CHST8: variants seen among roughly 807,000 people sequenced by gnomAD.
The protein encoded by CHST8 is GALNAC-4-ST1.
CHST8 carries 10 observed loss-of-function variants against 15.0 expected under a neutral mutation model. The ratio of observed to expected loss-of-function variants is 0.67; its 90% CI spans 0.41 to 1.13. CHST8 has a LOEUF of 1.13. Among genes scored for constraint, CHST8 ranks in the 50% most tolerant of loss-of-function variants. The probability of loss-of-function intolerance (pLI) is 0.00; values close to 1 mark genes in which losing one functional copy is unlikely to be tolerated. For synonymous variants in CHST8, 259 were observed against 256.6 expected, an observed-to-expected ratio of 1.01 and a Z score of -0.09; for missense variants, 634 against 608.2, an observed-to-expected ratio of 1.04 and a Z score of -0.45.
At chr19:33,670,077 A>G (rs992182136) in intron 2 of CHST8, among the ~76,000 whole-genome samples, 4 of 152,202 alleles carry the variant, frequency 2.6e-5, no homozygotes, top group African/African-American at 9.7e-5. Flanking sequence ...TGCAGAATAT[A>G]CTCCATCATT....
intron 3 of CHST8, among the ~76,000 whole-genome samples, chr19:33,697,335 T>C (rs905236311): frequency 6.6e-6 from 1 of 152,146 alleles, no homozygotes; most frequent in African/African-American, 2.4e-5. Context: ...GCTCCAGTGA[T>C]CCTCCCATCT....
chr19:33,722,099 G>T (rs1973809825), intron 3 of CHST8, among the ~76,000 whole-genome samples: 1 of 150,464 alleles, frequency 6.6e-6, no homozygotes, highest in African/African-American at 2.5e-5. Flanking sequence ...ATGGATGGAT[G>T]GATGGATGGA....
At chr19:33,671,895 T>C (rs549199910) in intron 2 of CHST8, among the ~76,000 whole-genome samples, 1 of 152,028 alleles carries the variant, frequency 6.6e-6, no homozygotes, top group Admixed American at 6.6e-5. Flanking sequence ...ATTTACCACA[T>C]GTGTGATTTA....
At chr19:33,720,992 C>G (rs919577736) in intron 3 of CHST8, among the ~76,000 whole-genome samples, 1 of 152,226 alleles carries the variant, frequency 6.6e-6, no homozygotes, top group African/African-American at 2.4e-5. Flanking sequence ...ACCAGAGTTG[C>G]CCTGTCTGTC....
At chr19:33,668,709 A>G (rs768319064) in intron 2 of CHST8, among the ~76,000 whole-genome samples, 5 of 152,124 alleles carry the variant, frequency 3.3e-5, no homozygotes, top group Admixed American at 6.5e-5. Context: ...TTTATAATCA[A>G]ATGATAGAAA....
At chr19:33,765,070 A>ATATATATG (rs71181381) in intron 3 of CHST8, among the ~76,000 whole-genome samples, 9 of 113,142 alleles carry the variant, frequency 8.0e-5, no homozygotes, top group African/African-American at 3.8e-4. Flanking sequence ...ATATATATAT[A>ATATATATG]TATCAGAGTT....
chr19:33,632,407 G>A (rs981927166), intron 1 of CHST8, among the ~76,000 whole-genome samples: 2 of 151,776 alleles, frequency 1.3e-5, no homozygotes, highest in Non-Finnish European at 2.9e-5. Context: ...CACCTGCCTC[G>A]GCCTCCCAAA....
chr19:33,644,809 G>A (rs1018518501), intron 1 of CHST8, among the ~76,000 whole-genome samples: 3 of 152,198 alleles, frequency 2.0e-5, no homozygotes, highest in Admixed American at 6.5e-5. Flanking sequence ...AGCCAAGTAG[G>A]CTAAGAGGGA....
chr19:33,694,169 CATAT>C (rs397842550), intron 3 of CHST8, among the ~76,000 whole-genome samples: 450 of 39,906 alleles, frequency 0.011, 5 homozygotes, highest in African/African-American at 0.014. Flanking sequence ...GTAGTTTATT[CATAT>C]ATATATATAT....
rs142299595 is a variant in CHST8, at chr19:33,689,533, T to C, written c.130+142T>C. The C allele has an allele frequency of 8.9e-4, 895 of 1,001,376 alleles. 12 individuals are homozygous for C. In the East Asian group the frequency reaches 0.021, roughly 24 times the overall value. 62.0% of individuals were successfully genotyped at this position (1,001,376 alleles called of 1,614,324 possible). A position where few individuals can be genotyped will look rare whatever the true frequency, so the allele number is the denominator to read the frequency against. ...GACCCCCGGCAGGCAGAGTCCTGGC[T>C]TCCCGGGGAAGGCGTTAGTCTCAAT... On this transcript the variant is annotated intron_variant, in intron 3 of 4. Coordinates refer to ENST00000650847, the MANE Select transcript of CHST8 (RefSeq NM_001127895.2).
At chr19:33,659,459 C>T (rs1204450001) in intron 1 of CHST8, among the ~76,000 whole-genome samples, 1 of 152,080 alleles carries the variant, frequency 6.6e-6, no homozygotes, top group Non-Finnish European at 1.5e-5. Flanking sequence ...GTTTGCTGAG[C>T]ACAAAAATGT....
chr19:33,653,793 T>C (rs1972477033), intron 1 of CHST8, among the ~76,000 whole-genome samples: 1 of 152,184 alleles, frequency 6.6e-6, no homozygotes, highest in South Asian at 2.1e-4. Context: ...TTGATGTATA[T>C]AAGGTGTTTA....
At chr19:33,725,559 G>T (rs1488659753) in intron 3 of CHST8, among the ~76,000 whole-genome samples, 1 of 152,098 alleles carries the variant, frequency 6.6e-6, no homozygotes, top group Non-Finnish European at 1.5e-5. Context: ...AGCAAGAAGG[G>T]TGCTTCTCCT....
At chr19:33,701,059 C>A (rs1348242802) in intron 3 of CHST8, among the ~76,000 whole-genome samples, 1 of 152,098 alleles carries the variant, frequency 6.6e-6, no homozygotes, top group Non-Finnish European at 1.5e-5. Context: ...TTGAATTCTG[C>A]TGTTTGAGGG....
intron 1 of CHST8, among the ~76,000 whole-genome samples, chr19:33,649,209 A>G (rs1415923864): frequency 6.6e-6 from 1 of 151,934 alleles, no homozygotes; most frequent in African/African-American, 2.4e-5. Context: ...CGGCCTGTCT[A>G]TCCTTCTGAT....
chr19:33,668,327 C>T (rs1298556365), intron 2 of CHST8, among the ~76,000 whole-genome samples: 1 of 152,178 alleles, frequency 6.6e-6, no homozygotes, highest in East Asian at 1.9e-4. Flanking sequence ...ACACTCTGCC[C>T]TCCTTGGGAG....
chr19:33,712,143 A>T (rs1457272936), intron 3 of CHST8, among the ~76,000 whole-genome samples: 1 of 152,174 alleles, frequency 6.6e-6, no homozygotes, highest in Non-Finnish European at 1.5e-5. Context: ...TGGAATTGTG[A>T]TGTATATTTT....
chr19:33,717,532 G>C (rs1275534315), intron 3 of CHST8, among the ~76,000 whole-genome samples: 1 of 152,080 alleles, frequency 6.6e-6, no homozygotes, highest in Non-Finnish European at 1.5e-5. Context: ...GTGGGGTGTG[G>C]GGCTGCTACC....
At chr19:33,718,388 C>G (rs1053993519) in intron 3 of CHST8, among the ~76,000 whole-genome samples, 24 of 152,070 alleles carry the variant, frequency 1.6e-4, no homozygotes, top group African/African-American at 5.8e-4. Flanking sequence ...CCAACTGCCA[C>G]TAGATTTTTA....
Sources: gnomAD v4.1 joint callset for allele counts (sites outside exome capture counted in the v4.1 genomes callset) on GRCh38, gnomAD v4.1.1 for gene constraint, MANE v1.5 for transcripts, NCBI Gene and HGNC (gene_info 2026-07-23, HGNC 2026-07-21) for gene names.